The following PRUNE2 variants were observed in gnomAD, a reference collection of about 807,000 sequenced individuals.
The protein encoded by PRUNE2 is protein prune homolog 2.
PRUNE2 carries 164 observed loss-of-function variants against 252.0 expected under a neutral mutation model. The observed-to-expected ratio is 0.65, with a 90% CI of 0.57 to 0.74. The LOEUF is 0.74. Ranked by LOEUF, PRUNE2 falls within the 30% of genes least tolerant of loss-of-function variation. PRUNE2 has a pLI of 0.00. For synonymous variants in PRUNE2, 1,292 were observed against 1,350.2 expected (o/e 0.96, Z 0.94); for missense variants, 3,495 against 3,711.0 (o/e 0.94, Z 1.51).
chr9:76,816,429 G>A (rs1371103603), intron 6 of PRUNE2, among the ~76,000 whole-genome samples: 2 of 152,006 alleles, frequency 1.3e-5, no homozygotes, highest in East Asian at 1.9e-4. Context: ...CAATAGGAAC[G>A]AAAGTCCACT....
intron 6 of PRUNE2, among the ~76,000 whole-genome samples, chr9:76,771,945 G>T (rs190488815): frequency 6.6e-6 from 1 of 152,218 alleles, no homozygotes; most frequent in African/African-American, 2.4e-5. Flanking sequence ...CACTAATGGC[G>T]TGGGACTCAG....
intron 6 of PRUNE2, among the ~76,000 whole-genome samples, chr9:76,719,233 C>CA (rs1564144928): frequency 2.0e-5 from 3 of 148,304 alleles, no homozygotes; most frequent in African/African-American, 7.4e-5. Context: ...ATTATTATTA[C>CA]TTTTTTTTTT....
At chr9:76,844,475 C>T (rs1022172875) in intron 4 of PRUNE2, among the ~76,000 whole-genome samples, 3 of 152,184 alleles carry the variant, frequency 2.0e-5, no homozygotes, top group Non-Finnish European at 2.9e-5. Context: ...TTTCCTACAG[C>T]CTACAGAAGC....
chr9:76,724,231 G>T lies in PRUNE2; in HGVS notation c.757-10510C>A, dbSNP rs573236747. Among the ~76,000 whole-genome samples the T allele has an allele frequency of 2.7e-5, 4 of 148,988 alleles. No individual in the cohort carries two copies. In the East Asian group the frequency reaches 6.0e-4, roughly 22 times the overall value. The stretch of plus-strand genomic sequence containing the variant: ...CGCAGCACTTTGGGAGGCTGAGGCG[G>T]GCAGATCACTTGAGCTCAGAAGGTC... On this transcript the variant is annotated intron_variant, in intron 6 of 18. Coordinates refer to ENST00000376718, the MANE Select transcript of PRUNE2 (RefSeq NM_015225.3).
chr9:76,752,695 A>G (rs1413603228), intron 6 of PRUNE2, among the ~76,000 whole-genome samples: 1 of 152,180 alleles, frequency 6.6e-6, no homozygotes, highest in Non-Finnish European at 1.5e-5. Flanking sequence ...AATTCCTCAA[A>G]ATAATCATTT....
intron 6 of PRUNE2, among the ~76,000 whole-genome samples, chr9:76,816,860 G>GA (rs1390775585): frequency 1.3e-5 from 2 of 151,972 alleles, no homozygotes; most frequent in African/African-American, 2.4e-5. Context: ...GACAGTCTGA[G>GA]AAAAAAACAG....
chr9:76,840,916 G>A (rs971233114), intron 4 of PRUNE2, among the ~76,000 whole-genome samples: 10 of 152,044 alleles, frequency 6.6e-5, no homozygotes, highest in African/African-American at 2.4e-4. Flanking sequence ...GAGAGGCGGA[G>A]GTTGCAGTGA....
Position 76,713,609 on chromosome 9 carries a change from C to G in PRUNE2, c.869G>C (p.Arg290Thr), listed in dbSNP as rs2046909288. Reference sequence around the variant, plus strand: ...TTCTGAGTACACAGCAATCTGTCGTCTCGGCTGCTGCTCCTCTGACAGATA... The same window carrying G: ...TTCTGAGTACACAGCAATCTGTCGTGTCGGCTGCTGCTCCTCTGACAGATA... ...SSYLSEEQQPRRQIAVYSENM... is the reference protein window; with the variant it reads ...SSYLSEEQQPTRQIAVYSENM... Residue 290 changes from arginine to threonine, a missense_variant, in exon 7 of 19, where the codon AGA becomes ACA. Physicochemically the swap from Arg to Thr is moderately conservative, Grantham distance 71. Transcript: ENST00000376718. The G allele has an allele frequency of 1.2e-6, 2 of 1,607,372 alleles. No homozygotes were observed. Among genetic ancestry groups the G allele is most frequent in the Non-Finnish European group, 1.7e-6 (2 of 1,176,996 alleles).
chr9:76,845,926 G>A (rs1185406157), intron 4 of PRUNE2, among the ~76,000 whole-genome samples: 1 of 152,158 alleles, frequency 6.6e-6, no homozygotes, highest in Non-Finnish European at 1.5e-5. Context: ...TCCACTGATC[G>A]AGATGAAAGA....
intron 17 of PRUNE2, among the ~76,000 whole-genome samples, chr9:76,619,800 A>G (rs1205187771): frequency 6.6e-6 from 1 of 152,222 alleles, no homozygotes; most frequent in African/African-American, 2.4e-5. Context: ...TTTCACGAGA[A>G]TGAGGATTTC....
At chr9:76,704,466 C>A (rs894872292) in intron 8 of PRUNE2, among the ~76,000 whole-genome samples, 1 of 152,308 alleles carries the variant, frequency 6.6e-6, no homozygotes, top group East Asian at 1.9e-4. Context: ...ATCAGGTGAT[C>A]CCCCCTCCTT....
chr9:76,795,796 A>G (rs2056041836), intron 6 of PRUNE2, among the ~76,000 whole-genome samples: 1 of 152,164 alleles, frequency 6.6e-6, no homozygotes, highest in African/African-American at 2.4e-5. Context: ...CATTAATTCA[A>G]AGCCCCAGGT....
intron 1 of PRUNE2, among the ~76,000 whole-genome samples, chr9:76,891,783 A>G (rs889617825): frequency 2.0e-5 from 3 of 152,210 alleles, no homozygotes; most frequent in African/African-American, 7.2e-5. Flanking sequence ...TAGAAGACAG[A>G]GAATCTACGC....
intron 9 of PRUNE2, among the ~76,000 whole-genome samples, chr9:76,674,264 GACAA>G (rs1464271560): frequency 6.6e-6 from 1 of 152,154 alleles, no homozygotes; most frequent in Admixed American, 6.5e-5. Flanking sequence ...ACCAACAACA[GACAA>G]ACAGAGAGCC....
chr9:76,668,886 G>A (rs964246907), intron 9 of PRUNE2, among the ~76,000 whole-genome samples: 4 of 149,774 alleles, frequency 2.7e-5, no homozygotes, highest in Non-Finnish European at 5.9e-5. Flanking sequence ...CAATTCTGGA[G>A]GTTGGAAGTC....
rs766801316 is a variant in PRUNE2, at chr9:76,709,379, G to C, written c.2895C>G (p.Thr965=). Residue 965 remains threonine (T), a synonymous_variant, in exon 8 of 19, where the codon ACC becomes ACG. Coordinates refer to ENST00000376718, the MANE Select transcript of PRUNE2 (RefSeq NM_015225.3). The part of the protein sequence containing the change: ...GEDSVPSPLD[T]NYSTSDSYTS... ...TGTAAGAGTCTGAGGTGGAATAATTGGTATCTAAGGGGGAAGGCACCGAAT... is the reference window on the plus strand; with the variant it reads ...TGTAAGAGTCTGAGGTGGAATAATTCGTATCTAAGGGGGAAGGCACCGAAT... 1 of 1,613,982 alleles carries C rather than the reference G, an allele frequency of 6.2e-7. No homozygotes were observed. The highest frequency in any genetic ancestry group is 8.5e-7 in the Non-Finnish European group (1 of 1,179,882).
rs142811076 is a variant in PRUNE2, at chr9:76,869,873, C to G, written c.37-15665G>C. On this transcript the variant is annotated intron_variant, in intron 1 of 18. Coordinates refer to ENST00000376718, the MANE Select transcript of PRUNE2 (RefSeq NM_015225.3). ...TTCTCTCTTCTATGAGGAGAACTGA[C>G]TTGGGTCTCCAGAGCCCCTCAATTG... Among the ~76,000 whole-genome samples the G allele has an allele frequency of 5.0e-3, 762 of 152,316 alleles. 7 individuals are homozygous for G. Among genetic ancestry groups the G allele is most frequent in the African/African-American group, 0.018 (729 of 41,564 alleles).
At chr9:76,751,669 G>GA (rs897364344) in intron 6 of PRUNE2, among the ~76,000 whole-genome samples, 15 of 151,952 alleles carry the variant, frequency 9.9e-5, no homozygotes, top group Non-Finnish European at 1.8e-4. Context: ...AATATATTTG[G>GA]AAAAAAACCT....
Position 76,709,273 on chromosome 9 carries a change from C to T in PRUNE2, c.3001G>A (p.Gly1001Ser), listed in dbSNP as rs1012087110. The change falls in exon 8 of 19, where the codon GGT becomes AGT. Residue 1001 changes from glycine (G) to serine (S), a missense_variant. By Grantham distance (56) the Gly-to-Ser change is moderately conservative. Transcript: ENST00000376718. ...AKEEGFESKD[G>S]NSTAEETDIP... ...TCAGTCTCCTCTGCCGTGGAGTTACCATCTTTTGACTCAAAACCTTCCTCT... is the reference window on the plus strand; with the variant it reads ...TCAGTCTCCTCTGCCGTGGAGTTACTATCTTTTGACTCAAAACCTTCCTCT... 2 of 1,613,774 alleles carry T rather than the reference C, an allele frequency of 1.2e-6. No individual in the cohort carries two copies. Among genetic ancestry groups the T allele is most frequent in the South Asian group, 1.1e-5 (1 of 91,078 alleles).
Sources: allele counts gnomAD v4.1 joint callset (sites outside exome capture counted in the v4.1 genomes callset), GRCh38; gene constraint gnomAD v4.1.1; transcripts MANE v1.5; gene names NCBI Gene and HGNC (gene_info 2026-07-23, HGNC 2026-07-21).